OPRM1: variants seen among roughly 807,000 people sequenced by gnomAD.
OPRM1 encodes the protein opioid receptor mu 1.
In OPRM1, 27 loss-of-function variants were observed where a neutral mutation model predicts 31.8. The observed-to-expected ratio is 0.85, with a 90% CI of 0.63 to 1.17. OPRM1 has a LOEUF of 1.17. OPRM1 is among the 50% of genes most tolerant of loss of function. The pLI is 0.00. For synonymous variants in OPRM1, 196 were observed against 189.9 expected (o/e 1.03, Z -0.26); for missense variants, 536 against 511.1 (o/e 1.05, Z -0.47).
At position 154,118,728 on chromosome 6, in the gene OPRM1, C is replaced by T; in HGVS notation, c.*7C>T. 1 of 1,613,114 alleles carries T rather than the reference C, an allele frequency of 6.2e-7. No individual in the cohort carries two copies. The highest frequency in any genetic ancestry group is 2.2e-5 in the East Asian group (1 of 44,872). ...AACTGCTCCGTTGCCCTAACAGGGT[C>T]TCATGCCATTCCGACCTTCACCAAG... On this transcript the variant is annotated 3_prime_UTR_variant, in exon 4 of 4. Transcript: ENST00000330432.
intron 3 of OPRM1, chr6:154,108,922 C>T (rs1378423633): frequency 2.0e-6 from 2 of 984,804 alleles, no homozygotes; most frequent in Non-Finnish European, 2.4e-6. Context: ...AAAAATCCAA[C>T]TATAGAAACA....
intron 1 of OPRM1, among the ~76,000 whole-genome samples, chr6:154,082,415 G>A (rs559471172): frequency 6.6e-6 from 1 of 151,954 alleles, no homozygotes; most frequent in Non-Finnish European, 1.5e-5. Flanking sequence ...GTTGTACTAA[G>A]CGCAGTAAAA....
intron 3 of OPRM1, among the ~76,000 whole-genome samples, chr6:154,203,986 T>A (rs1006520064): frequency 8.5e-5 from 13 of 152,214 alleles, no homozygotes; most frequent in African/African-American, 3.1e-4. Context: ...TAACCTCAGA[T>A]AAAAGTATTA....
upstream of OPRM1, among the ~76,000 whole-genome samples, chr6:154,037,724 G>T (rs1386176972): frequency 3.3e-5 from 5 of 152,034 alleles, no homozygotes; most frequent in East Asian, 7.7e-4. Context: ...AGACATATGA[G>T]GTGAATATTA....
At chr6:154,062,056 A>G (rs1784534864) in intron 1 of OPRM1, among the ~76,000 whole-genome samples, 1 of 152,202 alleles carries the variant, frequency 6.6e-6, no homozygotes, top group Admixed American at 6.5e-5. Context: ...ATTAAATATA[A>G]CAAAATGTTC....
intron 1 of OPRM1, among the ~76,000 whole-genome samples, chr6:154,059,676 CTTTT>C (rs1784025660): frequency 6.6e-6 from 1 of 152,032 alleles, no homozygotes; most frequent in African/African-American, 2.4e-5. Flanking sequence ...TGTTTTAATT[CTTTT>C]ATCTCAGAAC....
intron 3 of OPRM1, among the ~76,000 whole-genome samples, chr6:154,169,467 G>T (rs756942229): frequency 3.9e-5 from 6 of 152,130 alleles, no homozygotes; most frequent in African/African-American, 2.4e-5. Flanking sequence ...CATGCAAGTC[G>T]ACAAATATCT....
At chr6:154,015,540 T>C (rs1247590668) in intron 1 of OPRM1, among the ~76,000 whole-genome samples, 1 of 151,954 alleles carries the variant, frequency 6.6e-6, no homozygotes, top group African/African-American at 2.4e-5. Flanking sequence ...TTCTAAAAAA[T>C]TAAACCCTGT....
At chr6:154,132,988 G>T (rs1378064770), downstream of OPRM1, among the ~76,000 whole-genome samples, 2 of 152,058 alleles carry the variant, frequency 1.3e-5, no homozygotes, top group African/African-American at 4.8e-5. Flanking sequence ...GGGCATGGTG[G>T]CAGGCACCTG....
At chr6:154,221,347 C>A in intron 3 of OPRM1, 1 of 1,607,466 alleles carries the variant, frequency 6.2e-7, no homozygotes. Context: ...AGGAAAAGCA[C>A]AAACACATAA....
intron 1 of OPRM1, among the ~76,000 whole-genome samples, chr6:154,029,369 C>T (rs1353306879): frequency 1.3e-5 from 2 of 152,098 alleles, no homozygotes; most frequent in African/African-American, 4.8e-5. Flanking sequence ...GAAAAACTTG[C>T]TGGTTCAGGA....
In OPRM1 at chr6:154,140,519, A is replaced by G. The variant is rs185513539; in HGVS notation, c.1164+49047A>G. Among the ~76,000 whole-genome samples the G allele has an allele frequency of 1.5e-3, 224 of 152,110 alleles. 3 individuals carry two copies. Among genetic ancestry groups the G allele is most frequent in the African/African-American group, 5.2e-3 (216 of 41,514 alleles). On this transcript the variant is annotated intron_variant, in intron 3 of 3. Transcript: ENST00000337049. ...TAATTTTTGTATTTTTAGTTGAGAC[A>G]GGGTTTCGCCATGTTGGCCAGGCTG... is the stretch of plus-strand genomic sequence containing the variant.
intron 1 of OPRM1, among the ~76,000 whole-genome samples, chr6:154,055,172 G>A (rs1782993645): frequency 6.6e-6 from 1 of 152,226 alleles, no homozygotes; most frequent in Non-Finnish European, 1.5e-5. Flanking sequence ...CAGATCACTT[G>A]AGGTCAGGAC....
In OPRM1 at chr6:154,089,834, A is replaced by G. The variant is rs200783280; in HGVS notation, c.299A>G (p.Lys100Arg). The change falls in exon 2 of 4, where the codon AAG (lysine) becomes AGG (arginine). Residue 100 changes from lysine to arginine, a missense_variant. Lys to Arg is a conservative substitution (Grantham distance 26). Transcript: ENST00000330432. ...LVMYVIVRYT[K>R]MKTATNIYIF... Reference sequence around the variant, plus strand: ...CTTCCTTTATCTCCTAGATACACCAAGATGAAGACTGCCACCAACATCTAC... The same window carrying G: ...CTTCCTTTATCTCCTAGATACACCAGGATGAAGACTGCCACCAACATCTAC... 3.1e-5 allele frequency: 50 copies of G among 1,611,106 alleles called. No individual in the cohort carries two copies. Among genetic ancestry groups the G allele is most frequent in the Non-Finnish European group, 4.2e-5 (49 of 1,178,086 alleles).
In OPRM1 at chr6:154,044,052, T is replaced by C. The variant is rs537366952; in HGVS notation, c.290+4218T>C. ...GACCTATCTGATATTTTATGAAACA[T>C]CTCCAAAGATAAAAAATATATAATT... On this transcript the variant is annotated intron_variant, in intron 1 of 3. Coordinates refer to ENST00000330432, the MANE Select transcript of OPRM1 (RefSeq NM_000914.5). 2.8e-3 allele frequency among the ~76,000 whole-genome samples: 424 copies of C among 152,104 alleles called. 6 individuals carry two copies. The highest frequency in any genetic ancestry group is 1.0e-2 in the African/African-American group (414 of 41,514).
At chr6:154,037,198 C>T (rs540056910), upstream of OPRM1, among the ~76,000 whole-genome samples, 58 of 151,952 alleles carry the variant, frequency 3.8e-4, no homozygotes, top group Non-Finnish European at 7.1e-4. Flanking sequence ...CGTAATCAAA[C>T]ACTATTGTAT....
At chr6:154,090,893 C>A in intron 2 of OPRM1, 59 bp from the exon 3 acceptor site, 2 of 1,493,944 alleles carry the variant, frequency 1.3e-6, no homozygotes, top group Non-Finnish European at 1.8e-6. Context: ...GCAGTATTAA[C>A]ACCTTATGAC....
At chr6:154,035,818 G>C (rs775569890), upstream of OPRM1, among the ~76,000 whole-genome samples, 6 of 152,098 alleles carry the variant, frequency 3.9e-5, no homozygotes, top group Non-Finnish European at 8.8e-5. Context: ...GGGTTTGATA[G>C]CAATGTTCAA....
chr6:154,039,418 T>A lies in OPRM1; in HGVS notation c.-127T>A. ...CGCTCCTCTCTGTCTCAGCCAGGAC[T>A]GGTTTCTGTAAGAAACAGCAGGAGC... On this transcript the variant is annotated 5_prime_UTR_variant, in exon 1 of 4. Coordinates refer to ENST00000330432, the MANE Select transcript of OPRM1 (RefSeq NM_000914.5). The A allele has an allele frequency of 6.4e-7, 1 of 1,550,850 alleles. No individual in the cohort carries two copies.
Sources: gnomAD v4.1 joint callset for allele counts (sites outside exome capture counted in the v4.1 genomes callset) on GRCh38, gnomAD v4.1.1 for gene constraint, MANE v1.5 for transcripts, NCBI Gene and HGNC (gene_info 2026-07-23, HGNC 2026-07-21) for gene names.